Variants in RYR2 observed in about 807,000 individuals in gnomAD.
The protein encoded by RYR2 is ryanodine receptor 2.
RYR2 carries 227 observed loss-of-function variants against 601.1 expected under a neutral mutation model. That is an observed-to-expected ratio of 0.38 (90% CI 0.34 to 0.42). RYR2 has a LOEUF of 0.42. Among genes scored for constraint, RYR2 ranks in the 10% least tolerant of loss-of-function variants. The pLI, the probability that RYR2 is intolerant of heterozygous loss-of-function variation, is 1.00. For synonymous variants in RYR2, 2,223 were observed against 2,175.1 expected, an observed-to-expected ratio of 1.02 and a Z score of -0.61; for missense variants, 4,646 against 6,156.5, an observed-to-expected ratio of 0.75 and a Z score of 8.21.
chr1:237,704,820 A>T (rs1368936647), intron 66 of RYR2, among the ~76,000 whole-genome samples: 1 of 152,122 alleles, frequency 6.6e-6, no homozygotes, highest in Non-Finnish European at 1.5e-5. Flanking sequence ...TTTCTAAAAT[A>T]TCTACAAATA....
At chr1:237,419,491 C>T (rs1705345065) in intron 11 of RYR2, among the ~76,000 whole-genome samples, 1 of 152,102 alleles carries the variant, frequency 6.6e-6, no homozygotes, top group Non-Finnish European at 1.5e-5. Flanking sequence ...TTTATTTTCA[C>T]TTTGATTACA....
chr1:237,513,883 A>G (rs1666161232), intron 24 of RYR2, among the ~76,000 whole-genome samples: 1 of 152,244 alleles, frequency 6.6e-6, no homozygotes, highest in Non-Finnish European at 1.5e-5. Flanking sequence ...ATAACTCTAT[A>G]TCCTCAAGGA....
intron 21 of RYR2, among the ~76,000 whole-genome samples, chr1:237,502,553 T>C (rs1664766754): frequency 6.6e-6 from 1 of 152,066 alleles, no homozygotes; most frequent in Admixed American, 6.6e-5. Flanking sequence ...CTTAGTTCGA[T>C]TCTCATAGGG....
At chr1:237,398,001 A>T (rs769427873) in intron 10 of RYR2, among the ~76,000 whole-genome samples, 22 of 152,072 alleles carry the variant, frequency 1.4e-4, no homozygotes, top group Non-Finnish European at 1.9e-4. Flanking sequence ...GATTACAGGC[A>T]TGAGCCACTG....
At chr1:237,719,262 A>C (rs1689511647) in intron 73 of RYR2, among the ~76,000 whole-genome samples, 1 of 152,172 alleles carries the variant, frequency 6.6e-6, no homozygotes, top group Non-Finnish European at 1.5e-5. Flanking sequence ...GTCTCAAAAA[A>C]CACAAAATTT....
At chr1:237,451,386 A>T (rs891345523) in intron 14 of RYR2, among the ~76,000 whole-genome samples, 9 of 152,120 alleles carry the variant, frequency 5.9e-5, no homozygotes, top group Non-Finnish European at 1.2e-4. Context: ...AGCCTGGCCA[A>T]CAGGGATGAA....
At chr1:237,254,610 G>A (rs998594115) in intron 1 of RYR2, among the ~76,000 whole-genome samples, 1 of 152,184 alleles carries the variant, frequency 6.6e-6, no homozygotes, top group African/African-American at 2.4e-5. Flanking sequence ...TCTTTAGAGA[G>A]GAGGAGGATG....
intron 17 of RYR2, among the ~76,000 whole-genome samples, chr1:237,488,895 C>T (rs370982620): frequency 6.6e-6 from 1 of 152,088 alleles, no homozygotes; most frequent in South Asian, 2.1e-4. Context: ...CACGGACGCG[C>T]GTGACAACCA....
intron 17 of RYR2, among the ~76,000 whole-genome samples, chr1:237,484,143 G>A (rs936515695): frequency 5.9e-5 from 9 of 152,106 alleles, no homozygotes; most frequent in Non-Finnish European, 1.2e-4. Context: ...GGGGCCAGGT[G>A]CTCCTTCTGG....
intron 1 of RYR2, among the ~76,000 whole-genome samples, chr1:237,049,052 G>A (rs1015448162): frequency 6.6e-6 from 1 of 152,162 alleles, no homozygotes; most frequent in Non-Finnish European, 1.5e-5. Context: ...GGTGTGTAGG[G>A]TGAGAGAGGC....
At chr1:237,653,584 T>C (rs972802918) in intron 51 of RYR2, among the ~76,000 whole-genome samples, 1 of 152,192 alleles carries the variant, frequency 6.6e-6, no homozygotes, top group African/African-American at 2.4e-5. Flanking sequence ...CGGGGTTCTC[T>C]AGAGGGACAG....
chr1:237,215,548 T>C (rs1218807472), intron 1 of RYR2, among the ~76,000 whole-genome samples: 1 of 152,220 alleles, frequency 6.6e-6, no homozygotes, highest in Non-Finnish European at 1.5e-5. Flanking sequence ...ATTTTGGTGC[T>C]ATAGTAAGCA....
chr1:237,159,064 G>A (rs781296297), intron 1 of RYR2, among the ~76,000 whole-genome samples: 13 of 151,756 alleles, frequency 8.6e-5, no homozygotes, highest in East Asian at 1.9e-4. Flanking sequence ...AGGCCGAGGC[G>A]GGCGGATCAC....
Position 237,548,560 on chromosome 1 carries a change from C to T in RYR2, c.3036C>T (p.Ile1012=). 1 of 1,613,960 alleles carries T rather than the reference C, an allele frequency of 6.2e-7. No homozygotes were observed. Among genetic ancestry groups the T allele is most frequent in the Non-Finnish European group, 8.5e-7 (1 of 1,179,882 alleles). The part of the protein sequence containing the change: ...NAHNVWARDR[I]RQGWTYGIQQ... ...ATAATGTGTGGGCGCGGGATCGAAT[C>T]CGGCAGGGCTGGACTTATGGCATCC... is the stretch of plus-strand genomic sequence containing the variant. Residue 1012 remains isoleucine (I), a synonymous_variant, in exon 26 of 105, where the codon ATC becomes ATT. Transcript: ENST00000366574.
intron 1 of RYR2, among the ~76,000 whole-genome samples, chr1:237,054,232 T>C (rs1244938014): frequency 7.0e-6 from 1 of 142,558 alleles, no homozygotes; most frequent in Admixed American, 7.0e-5. Context: ...TCTTCCCTCC[T>C]TCTCTCCCTC....
chr1:237,514,389 T>G (rs1365018313), intron 24 of RYR2, among the ~76,000 whole-genome samples: 11 of 152,236 alleles, frequency 7.2e-5, no homozygotes, highest in Admixed American at 7.2e-4. Context: ...ATCTTCAGAC[T>G]GCACGTACTG....
rs1491032946 is a variant in RYR2, at chr1:237,072,963, AAC to A, written c.48+30396_48+30397del. Among the ~76,000 whole-genome samples the A allele has an allele frequency of 3.4e-4, 52 of 151,072 alleles. 1 individual carries two copies. The highest frequency in any genetic ancestry group is 7.8e-4 in the African/African-American group (32 of 41,186). ...ACTCCATCTCAAAAAAAAAAAAAAA[AAC>A]AAAAACTCATCTGTTAGTATAACTA... On this transcript the variant is annotated intron_variant, in intron 1 of 104. Coordinates refer to ENST00000366574, the MANE Select transcript of RYR2 (RefSeq NM_001035.3).
At chr1:237,643,566 C>G (rs1342238037) in intron 48 of RYR2, 119 bp downstream of exon 48, 1 of 1,000,442 alleles carries the variant, frequency 1.0e-6, no homozygotes, top group African/African-American at 1.7e-5. Context: ...GTGTATACTA[C>G]TTAAATTAGT....
intron 65 of RYR2, among the ~76,000 whole-genome samples, chr1:237,700,906 T>C (rs1266511545): frequency 2.0e-5 from 3 of 152,242 alleles, no homozygotes; most frequent in African/African-American, 4.8e-5. Flanking sequence ...GTCTAAATAA[T>C]TGGCCTTTTA....
Sources: gnomAD v4.1 joint callset for allele counts (sites outside exome capture counted in the v4.1 genomes callset) on GRCh38, gnomAD v4.1.1 for gene constraint, MANE v1.5 for transcripts, NCBI Gene and HGNC (gene_info 2026-07-23, HGNC 2026-07-21) for gene names.